TTBK2: variants seen among roughly 807,000 people sequenced by gnomAD.
TTBK2 encodes tau tubulin kinase 2.
A neutral mutation model predicts 110.8 loss-of-function variants in TTBK2; 28 were observed. The observed-to-expected ratio is 0.25, with a 90% CI of 0.19 to 0.35. TTBK2 has a LOEUF of 0.35. TTBK2 is among the 10% of genes least tolerant of loss of function. The pLI is 1.00. For missense variants in TTBK2, 1,369 were observed against 1,500.3 expected, an observed-to-expected ratio of 0.91 and a Z score of 1.45; for synonymous variants, 532 against 527.3, an observed-to-expected ratio of 1.01 and a Z score of -0.12.
intron 1 of TTBK2, among the ~76,000 whole-genome samples, chr15:42,908,984 C>CA (rs2030583261): frequency 6.6e-6 from 1 of 152,190 alleles, no homozygotes; most frequent in African/African-American, 2.4e-5. Context: ...TGGCAAAAAA[C>CA]AACACAAATT....
intron 13 of TTBK2, among the ~76,000 whole-genome samples, chr15:42,759,298 G>C (rs969589739): frequency 5.3e-5 from 8 of 152,188 alleles, no homozygotes; most frequent in African/African-American, 1.9e-4. Context: ...CCACCTTCAG[G>C]TCAGTGTATT....
At chr15:42,795,674 C>A (rs1036021237) in intron 9 of TTBK2, among the ~76,000 whole-genome samples, 4 of 151,862 alleles carry the variant, frequency 2.6e-5, no homozygotes, top group Non-Finnish European at 5.9e-5. Context: ...GAAACCCTGT[C>A]TCTATTAAAA....
intron 1 of TTBK2, among the ~76,000 whole-genome samples, chr15:42,893,667 GAA>G (rs55859623): frequency 0.022 from 3,239 of 145,000 alleles, 103 homozygotes; most frequent in African/African-American, 0.067. Context: ...AAACGTCATA[GAA>G]AAAAAAAAAT....
chr15:42,822,934 G>A (rs1346618185), intron 6 of TTBK2, among the ~76,000 whole-genome samples: 1 of 152,194 alleles, frequency 6.6e-6, no homozygotes, highest in Non-Finnish European at 1.5e-5. Context: ...AATAAATCAA[G>A]AAAGAAGAGA....
intron 3 of TTBK2, among the ~76,000 whole-genome samples, chr15:42,850,517 G>A (rs904609862): frequency 7.2e-5 from 11 of 152,130 alleles, no homozygotes; most frequent in Non-Finnish European, 1.6e-4. Flanking sequence ...GCATTCAGTG[G>A]GAGAGACAGA....
intron 10 of TTBK2, among the ~76,000 whole-genome samples, chr15:42,783,970 G>A (rs1358635252): frequency 1.3e-5 from 2 of 151,934 alleles, no homozygotes; most frequent in East Asian, 3.9e-4. Context: ...GCTGAGGCAG[G>A]AGAATTGCTT....
At chr15:42,768,178 A>T in intron 13 of TTBK2, among the ~76,000 whole-genome samples, 1 of 152,230 alleles carries the variant, frequency 6.6e-6, no homozygotes, top group Non-Finnish European at 1.5e-5. Context: ...CAAAAACTGG[A>T]AGCATTCCCT....
intron 1 of TTBK2, among the ~76,000 whole-genome samples, chr15:42,879,996 CAAA>C (rs71108186): frequency 1.7e-4 from 13 of 74,434 alleles, no homozygotes; most frequent in Admixed American, 4.9e-4. Flanking sequence ...GATCCTGTCT[CAAA>C]AAAAAAAAAA....
At chr15:42,800,003 T>C (rs1235422882) in intron 9 of TTBK2, among the ~76,000 whole-genome samples, 1 of 151,760 alleles carries the variant, frequency 6.6e-6, no homozygotes, top group Admixed American at 6.6e-5. Flanking sequence ...GAGGCTGAGG[T>C]GGGAGGATTA....
chr15:42,871,658 TAGA>T, intron 3 of TTBK2: 3 of 903,176 alleles, frequency 3.3e-6, no homozygotes, highest in Non-Finnish European at 4.0e-6. Context: ...GTGGAGAAAA[TAGA>T]AAAGGTCAGA....
Position 42,777,472 on chromosome 15 carries a change from T to C in TTBK2, c.1198-230A>G, listed in dbSNP as rs555328355. Among the ~76,000 whole-genome samples the C allele has an allele frequency of 2.0e-5, 3 of 152,348 alleles. No individual in the cohort carries two copies. In the East Asian group the frequency reaches 5.8e-4, roughly 29 times the overall value. ...TTATTTTAGGTTTTTAAAATACTTT[T>C]GGCACAAACATAAATAATCTAAAAA... On this transcript the variant is annotated intron_variant, in intron 11 of 14. Transcript: ENST00000267890.
At chr15:42,799,321 G>C (rs1251926084) in intron 9 of TTBK2, among the ~76,000 whole-genome samples, 1 of 152,142 alleles carries the variant, frequency 6.6e-6, no homozygotes, top group African/African-American at 2.4e-5. Context: ...AGTGAGTGGA[G>C]ATCATGCTGC....
chr15:42,781,623 G>GAAAATTTC (rs1890182675), intron 11 of TTBK2, among the ~76,000 whole-genome samples: 14 of 151,592 alleles, frequency 9.2e-5, no homozygotes, highest in Admixed American at 7.9e-4. Flanking sequence ...TTCCTTTAAG[G>GAAAATTTC]CTTCCTCTCT....
chr15:42,810,911 G>A (rs554369500), intron 8 of TTBK2, among the ~76,000 whole-genome samples, 172 bp from the exon 9 acceptor site: 5 of 152,112 alleles, frequency 3.3e-5, no homozygotes, highest in East Asian at 3.9e-4. Flanking sequence ...GTTTTAAAGC[G>A]GAAAAAAACT....
chr15:42,822,790 G>A (rs1892358916), intron 6 of TTBK2, among the ~76,000 whole-genome samples: 1 of 152,180 alleles, frequency 6.6e-6, no homozygotes, highest in Non-Finnish European at 1.5e-5. Context: ...TAGCCTGAAA[G>A]GAGAAGACAG....
chr15:42,918,178 C>A (rs146894791), intron 1 of TTBK2, among the ~76,000 whole-genome samples: 69 of 152,232 alleles, frequency 4.5e-4, no homozygotes, highest in African/African-American at 1.5e-3. Context: ...GATCCACCCC[C>A]TCAGTCTCCC....
intron 1 of TTBK2, among the ~76,000 whole-genome samples, chr15:42,902,230 A>G (rs2030085346): frequency 7.1e-6 from 1 of 140,176 alleles, no homozygotes; most frequent in Non-Finnish European, 1.5e-5. Context: ...AAAAAAAAAA[A>G]CCAACCACCG....
At chr15:42,796,492 T>C (rs1595919453) in intron 9 of TTBK2, among the ~76,000 whole-genome samples, 1 of 152,138 alleles carries the variant, frequency 6.6e-6, no homozygotes, top group East Asian at 1.9e-4. Flanking sequence ...TCAAGGGCTA[T>C]AGCCTAGAGT....
In TTBK2 at chr15:42,838,258, G is replaced by A. The variant is rs181057702; in HGVS notation, c.291+2102C>T. On this transcript the variant is annotated intron_variant, in intron 4 of 14. Transcript: ENST00000267890. ...AAACCAAATGCCCAAAACAACGTTT[G>A]CTTAAGATGAAAAGAAATACTGAGA... 1.8e-4 allele frequency among the ~76,000 whole-genome samples: 27 copies of A among 152,092 alleles called. 1 individual carries two copies. The highest frequency in any genetic ancestry group is 1.7e-3 in the Admixed American group (26 of 15,270).
Sources: allele counts gnomAD v4.1 joint callset (sites outside exome capture counted in the v4.1 genomes callset), GRCh38; gene constraint gnomAD v4.1.1; transcripts MANE v1.5; gene names NCBI Gene and HGNC (gene_info 2026-07-23, HGNC 2026-07-21).